The following PABPC4L variants were observed in gnomAD, a reference collection of about 807,000 sequenced individuals.
PABPC4L encodes poly(A) binding protein cytoplasmic 4 like.
For synonymous variants in PABPC4L, 169 were observed against 164.1 expected, an observed-to-expected ratio of 1.03 and a Z score of -0.23; for missense variants, 452 against 451.4, an observed-to-expected ratio of 1.00 and a Z score of -0.01.
the PABPC4L span, among the ~76,000 whole-genome samples, chr4:134,113,206 C>T: frequency 6.6e-6 from 1 of 151,694 alleles, no homozygotes; most frequent in East Asian, 1.9e-4. Flanking sequence ...AGTCAGCTAA[C>T]GTTAAAGTTA....
chr4:134,050,706 C>CAAAAAAAGAAAA, the PABPC4L span, among the ~76,000 whole-genome samples: 1 of 83,018 alleles, frequency 1.2e-5, no homozygotes, highest in Non-Finnish European at 2.2e-5. Flanking sequence ...CACCGTCTCC[C>CAAAAAAAGAAAA]AAAAAAAAAA....
At chr4:134,140,014 A>C in the PABPC4L span, among the ~76,000 whole-genome samples, 1 of 151,910 alleles carries the variant, frequency 6.6e-6, no homozygotes, top group Admixed American at 6.6e-5. Context: ...AGGGAGTTTA[A>C]AATGAAATAG....
chr4:134,129,952 C>T, the PABPC4L span, among the ~76,000 whole-genome samples: 1 of 151,262 alleles, frequency 6.6e-6, no homozygotes, highest in Non-Finnish European at 1.5e-5. Flanking sequence ...GTAATCCTAG[C>T]TAGTCAGGAG....
the PABPC4L span, among the ~76,000 whole-genome samples, chr4:134,026,098 C>T: frequency 2.0e-5 from 3 of 152,022 alleles, no homozygotes; most frequent in South Asian, 2.1e-4. Context: ...TTTTGATTGT[C>T]TGTCACCCTG....
the PABPC4L span, among the ~76,000 whole-genome samples, chr4:134,120,808 T>C: frequency 5.9e-5 from 9 of 151,590 alleles, no homozygotes; most frequent in East Asian, 1.4e-3. Context: ...TTAGGGTTTG[T>C]GTGTGGGCAA....
chr4:134,181,703 C>T, the PABPC4L span, among the ~76,000 whole-genome samples: 1 of 151,918 alleles, frequency 6.6e-6, no homozygotes, highest in African/African-American at 2.4e-5. Context: ...ATATAAAAAT[C>T]AGTAGCATTC....
the PABPC4L span, among the ~76,000 whole-genome samples, chr4:133,983,009 A>C: frequency 6.6e-6 from 1 of 151,986 alleles, no homozygotes; most frequent in Non-Finnish European, 1.5e-5. Context: ...TGCTTCATAA[A>C]CAAATAGACT....
At chr4:134,087,480 T>C in the PABPC4L span, among the ~76,000 whole-genome samples, 3 of 152,112 alleles carry the variant, frequency 2.0e-5, no homozygotes, top group African/African-American at 7.2e-5. Context: ...CACCCAGCCA[T>C]AGGGCAATTA....
Position 134,197,865 on chromosome 4 carries a change from G to A in PABPC4L, c.*2042C>T, listed in dbSNP as rs1377948002. The A allele has an allele frequency of 6.6e-6, 1 of 151,714 alleles. No individual in the cohort carries two copies. Among genetic ancestry groups the A allele is most frequent in the Non-Finnish European group, 1.5e-5 (1 of 67,716 alleles). 9.4% of individuals were successfully genotyped at this position (151,714 alleles called of 1,614,324 possible). On this transcript the variant is annotated 3_prime_UTR_variant, in exon 2 of 2. Coordinates refer to ENST00000421491, the MANE Select transcript of PABPC4L (RefSeq NM_001114734.2). The stretch of plus-strand genomic sequence containing the variant: ...GACAATGGAAATGTAAGTGCCACAA[G>A]TATTCTGGACAGCATTTAAGCAATA...
chr4:134,185,503 C>T, the PABPC4L span, among the ~76,000 whole-genome samples: 45 of 152,232 alleles, frequency 3.0e-4, no homozygotes, highest in African/African-American at 1.0e-3. Flanking sequence ...ATGCTAAAAA[C>T]TCTCAATAAA....
the PABPC4L span, among the ~76,000 whole-genome samples, chr4:134,120,347 A>G: frequency 6.7e-6 from 1 of 148,888 alleles, no homozygotes; most frequent in African/African-American, 2.4e-5. Flanking sequence ...TTCCACATAT[A>G]GGCTATTATT....
chr4:133,960,401 C>A, the PABPC4L span, among the ~76,000 whole-genome samples: 1 of 152,148 alleles, frequency 6.6e-6, no homozygotes, highest in Non-Finnish European at 1.5e-5. Context: ...AGTAGAGGAG[C>A]AACGGAAAGA....
chr4:134,108,728 G>A, the PABPC4L span, among the ~76,000 whole-genome samples: 1 of 151,722 alleles, frequency 6.6e-6, no homozygotes, highest in Non-Finnish European at 1.5e-5. Flanking sequence ...GTTCTCTAGT[G>A]CAAAATATAT....
At chr4:134,122,965 A>G in the PABPC4L span, among the ~76,000 whole-genome samples, 1 of 151,950 alleles carries the variant, frequency 6.6e-6, no homozygotes, top group Non-Finnish European at 1.5e-5. Context: ...TGCAATTAGG[A>G]ATACAGACAA....
the PABPC4L span, among the ~76,000 whole-genome samples, chr4:133,974,804 C>T: frequency 1.3e-5 from 2 of 151,998 alleles, no homozygotes; most frequent in Non-Finnish European, 2.9e-5. Flanking sequence ...AGATACCACT[C>T]GACACCTACT....
the PABPC4L span, among the ~76,000 whole-genome samples, chr4:134,033,825 C>T: frequency 6.6e-6 from 1 of 151,744 alleles, no homozygotes; most frequent in Admixed American, 6.6e-5. Context: ...AAACCATCTC[C>T]ATAACATAAA....
the PABPC4L span, among the ~76,000 whole-genome samples, chr4:134,067,031 A>T: frequency 6.6e-6 from 1 of 152,102 alleles, no homozygotes; most frequent in Non-Finnish European, 1.5e-5. Flanking sequence ...TTTTGGTATC[A>T]GGACAATGCT....
the PABPC4L span, among the ~76,000 whole-genome samples, chr4:134,123,876 T>G: frequency 6.6e-6 from 1 of 151,798 alleles, no homozygotes; most frequent in Admixed American, 6.6e-5. Flanking sequence ...GACTACCAGA[T>G]GCAGAGCTGC....
chr4:134,085,423 AAT>A, the PABPC4L span, among the ~76,000 whole-genome samples: 2 of 152,150 alleles, frequency 1.3e-5, no homozygotes, highest in African/African-American at 4.8e-5. Flanking sequence ...AAATTTATAA[AAT>A]ATACACACAT....
Sources: allele counts gnomAD v4.1 joint callset (sites outside exome capture counted in the v4.1 genomes callset), GRCh38; gene constraint gnomAD v4.1.1; transcripts MANE v1.5; gene names NCBI Gene and HGNC (gene_info 2026-07-23, HGNC 2026-07-21).